Variants in DGKB observed in about 807,000 individuals in gnomAD.
The protein encoded by DGKB is 90 kDa diacylglycerol kinase.
A neutral mutation model predicts 114.3 loss-of-function variants in DGKB; 67 were observed. The ratio of observed to expected loss-of-function variants is 0.59; its 90% CI spans 0.48 to 0.72. DGKB has a LOEUF of 0.72. DGKB is among the 30% of genes least tolerant of loss of function. The probability of loss-of-function intolerance (pLI) is 0.00; values close to 1 mark genes in which losing one functional copy is unlikely to be tolerated. For synonymous variants in DGKB, 398 were observed against 323.1 expected, an observed-to-expected ratio of 1.23 and a Z score of -2.49; for missense variants, 907 against 975.2, an observed-to-expected ratio of 0.93 and a Z score of 0.93.
At chr7:14,280,540 C>T (rs1799780710) in intron 23 of DGKB, among the ~76,000 whole-genome samples, 1 of 148,596 alleles carries the variant, frequency 6.7e-6, no homozygotes, top group South Asian at 2.2e-4. Flanking sequence ...AGAAGAGCAA[C>T]TCCAAGACAC....
chr7:14,344,051 T>C (rs1198269435), intron 22 of DGKB, among the ~76,000 whole-genome samples: 2 of 148,970 alleles, frequency 1.3e-5, no homozygotes, highest in East Asian at 3.9e-4. Flanking sequence ...ATTATATAGA[T>C]ATACATGCAT....
chr7:14,598,549 T>C (rs1275953297), intron 17 of DGKB, among the ~76,000 whole-genome samples: 1 of 152,184 alleles, frequency 6.6e-6, no homozygotes, highest in African/African-American at 2.4e-5. Flanking sequence ...GGAGCTCTCA[T>C]TGCAGATGGT....
intron 6 of DGKB, among the ~76,000 whole-genome samples, chr7:14,703,288 G>C (rs1235675590): frequency 6.6e-6 from 1 of 152,152 alleles, no homozygotes; most frequent in Non-Finnish European, 1.5e-5. Flanking sequence ...TGGAGTAAAT[G>C]ACTGCAAAAT....
intron 1 of DGKB, among the ~76,000 whole-genome samples, chr7:14,970,697 T>C (rs912844039): frequency 1.4e-4 from 21 of 152,252 alleles, no homozygotes; most frequent in African/African-American, 2.4e-4. Context: ...ATGATTGCCT[T>C]TCTGTAATTC....
intron 2 of DGKB, among the ~76,000 whole-genome samples, chr7:14,793,108 A>T (rs1280104286): frequency 6.6e-6 from 1 of 152,136 alleles, no homozygotes; most frequent in Non-Finnish European, 1.5e-5. Context: ...ATTTTAGAGG[A>T]AAGAAGGTAA....
In DGKB at chr7:14,580,969, A is replaced by G; in HGVS notation, c.1520-18T>C. 2 of 1,548,670 alleles carry G rather than the reference A, an allele frequency of 1.3e-6. No individual in the cohort carries two copies. The highest frequency in any genetic ancestry group is 1.4e-5 in the African/African-American group (1 of 72,766). On this transcript the variant is annotated intron_variant, in intron 18 of 25. Transcript: ENST00000402815. ...GGCCTTTTCTGCAGAATAAAAAAAA[A>G]TACAAATAAAGAAAATTTTAAGTTC...
intron 20 of DGKB, among the ~76,000 whole-genome samples, chr7:14,529,353 G>A (rs925138903): frequency 2.6e-5 from 4 of 151,774 alleles, no homozygotes; most frequent in Non-Finnish European, 4.4e-5. Flanking sequence ...CAACTATTTT[G>A]TTGAGCAGTG....
intron 21 of DGKB, among the ~76,000 whole-genome samples, chr7:14,390,558 C>T (rs1821155307): frequency 6.6e-6 from 1 of 152,098 alleles, no homozygotes; most frequent in Non-Finnish European, 1.5e-5. Flanking sequence ...CTATTTTATA[C>T]ACTTAATTTT....
At chr7:14,378,216 T>C (rs1022234890) in intron 21 of DGKB, among the ~76,000 whole-genome samples, 2 of 152,218 alleles carry the variant, frequency 1.3e-5, no homozygotes, top group Non-Finnish European at 2.9e-5. Context: ...CCCTTTTTTC[T>C]GCTACTAATT....
intron 23 of DGKB, 142 bp from the exon 24 acceptor site, chr7:14,178,293 G>A: frequency 1.2e-6 from 1 of 845,098 alleles, no homozygotes; most frequent in Non-Finnish European, 1.8e-6. Flanking sequence ...GTAATAAAAA[G>A]ATGGCCTACT....
At chr7:14,867,548 T>C (rs1359932075) in intron 1 of DGKB, among the ~76,000 whole-genome samples, 1 of 152,132 alleles carries the variant, frequency 6.6e-6, no homozygotes, top group Non-Finnish European at 1.5e-5. Flanking sequence ...AAAACTGATT[T>C]TGTGTTTCCT....
At chr7:14,698,040 G>C (rs574073384) in intron 8 of DGKB, 55 bp downstream of exon 8, 1 of 899,396 alleles carries the variant, frequency 1.1e-6, no homozygotes, top group East Asian at 2.8e-5. Context: ...AGAAAGAAAA[G>C]AAAGAAAGAG....
intron 23 of DGKB, among the ~76,000 whole-genome samples, chr7:14,239,065 C>T (rs914227033): frequency 5.3e-5 from 8 of 151,836 alleles, no homozygotes; most frequent in African/African-American, 1.9e-4. Flanking sequence ...TGTTTGTTTC[C>T]TCTCATTCAT....
intron 20 of DGKB, among the ~76,000 whole-genome samples, chr7:14,535,491 A>T (rs1792316339): frequency 6.6e-6 from 1 of 152,210 alleles, no homozygotes; most frequent in Non-Finnish European, 1.5e-5. Context: ...CTAAAGCCAT[A>T]GTTAGCAGAA....
intron 21 of DGKB, among the ~76,000 whole-genome samples, chr7:14,380,654 T>C (rs1307936984): frequency 6.6e-6 from 1 of 152,220 alleles, no homozygotes; most frequent in African/African-American, 2.4e-5. Context: ...AAAACAAATT[T>C]AATAATAAGG....
At chr7:14,930,289 A>C (rs1381918316) in intron 1 of DGKB, among the ~76,000 whole-genome samples, 6 of 152,144 alleles carry the variant, frequency 3.9e-5, no homozygotes, top group African/African-American at 1.4e-4. Context: ...GATTGCATTA[A>C]ATCTGCTTTA....
At chr7:14,551,969 G>A (rs1795166141) in intron 20 of DGKB, among the ~76,000 whole-genome samples, 1 of 152,000 alleles carries the variant, frequency 6.6e-6, no homozygotes, top group Non-Finnish European at 1.5e-5. Context: ...AAGCCCTAAT[G>A]TTCTAATTAC....
chr7:14,479,626 G>A (rs10226035), intron 20 of DGKB, among the ~76,000 whole-genome samples: 74 of 152,046 alleles, frequency 4.9e-4, no homozygotes, highest in African/African-American at 1.7e-3. Flanking sequence ...ACTTTTATTC[G>A]TCCAACGATA....
chr7:14,485,300 G>GGTGTGTGTGTGTGTGTGT (rs60976022), intron 20 of DGKB, among the ~76,000 whole-genome samples: 3 of 141,896 alleles, frequency 2.1e-5, no homozygotes, highest in African/African-American at 5.2e-5. Context: ...ATGCTCATGA[G>GGTGTGTGTGTGTGTGTGT]GTGTGTGTGT....
Sources: gnomAD v4.1 joint callset for allele counts (sites outside exome capture counted in the v4.1 genomes callset) on GRCh38, gnomAD v4.1.1 for gene constraint, MANE v1.5 for transcripts, NCBI Gene and HGNC (gene_info 2026-07-23, HGNC 2026-07-21) for gene names.